DYM: variants seen among roughly 807,000 people sequenced by gnomAD.
The protein encoded by DYM is dyggve-Melchior-Clausen syndrome protein.
Under a neutral mutation model 93.1 loss-of-function variants are expected in DYM, and 78 were observed. That is an observed-to-expected ratio of 0.84 (90% confidence interval 0.70 to 1.01). The LOEUF is 1.01. Ranked by LOEUF, DYM falls within the 50% of genes least tolerant of loss-of-function variation. The pLI, the probability that DYM is intolerant of heterozygous loss-of-function variation, is 0.00. For missense variants in DYM, 789 were observed against 845.0 expected, an observed-to-expected ratio of 0.93 and a Z score of 0.82; for synonymous variants, 321 against 319.7, an observed-to-expected ratio of 1.00 and a Z score of -0.04.
intron 1 of DYM, among the ~76,000 whole-genome samples, chr18:49,441,833 C>T (rs77300456): frequency 0.091 from 13,862 of 152,022 alleles, 847 homozygotes; most frequent in East Asian, 0.31. Flanking sequence ...AGGACTAAAG[C>T]CTGGGGGTCT....
intron 13 of DYM, among the ~76,000 whole-genome samples, chr18:49,255,234 T>C (rs2094366672): frequency 1.3e-5 from 2 of 152,192 alleles, no homozygotes; most frequent in Admixed American, 1.3e-4. Flanking sequence ...TCACCACCAA[T>C]GACTGCTAAA....
intron 15 of DYM, among the ~76,000 whole-genome samples, chr18:49,119,685 T>A (rs1050091713): frequency 2.0e-5 from 3 of 152,162 alleles, no homozygotes; most frequent in Admixed American, 2.0e-4. Context: ...GACAAAGGTT[T>A]CTACAACTCA....
chr18:49,221,391 T>C (rs952540384), intron 13 of DYM, among the ~76,000 whole-genome samples: 7 of 152,080 alleles, frequency 4.6e-5, no homozygotes, highest in East Asian at 1.9e-4. Context: ...TTTGACCCAG[T>C]CATCACATTA....
chr18:49,125,056 G>A (rs1044143847), intron 15 of DYM, among the ~76,000 whole-genome samples: 1 of 152,082 alleles, frequency 6.6e-6, no homozygotes, highest in South Asian at 2.1e-4. Context: ...TCAAGAGATC[G>A]AGACCATCCT....
chr18:49,147,588 A>C (rs1360951110), intron 15 of DYM, among the ~76,000 whole-genome samples: 1 of 152,192 alleles, frequency 6.6e-6, no homozygotes, highest in Non-Finnish European at 1.5e-5. Flanking sequence ...AGACACATGA[A>C]AAAATGCTCA....
intron 8 of DYM, among the ~76,000 whole-genome samples, chr18:49,294,605 A>C (rs180845619): frequency 6.6e-6 from 1 of 152,300 alleles, no homozygotes; most frequent in East Asian, 1.9e-4. Context: ...TAAAAATAAT[A>C]ATCAAGGAAA....
chr18:49,067,609 T>C (rs575344144), intron 17 of DYM, among the ~76,000 whole-genome samples: 15 of 152,174 alleles, frequency 9.9e-5, no homozygotes, highest in African/African-American at 3.1e-4. Context: ...GGAGCGTGCA[T>C]GCCATGTTCA....
At chr18:49,240,710 T>C (rs756105222) in intron 13 of DYM, among the ~76,000 whole-genome samples, 1 of 152,220 alleles carries the variant, frequency 6.6e-6, no homozygotes, top group Non-Finnish European at 1.5e-5. Flanking sequence ...TTCTTTCGTG[T>C]AAAAATGCTA....
chr18:49,279,120 T>C (rs1312452722), intron 10 of DYM, among the ~76,000 whole-genome samples: 1 of 152,216 alleles, frequency 6.6e-6, no homozygotes, highest in Non-Finnish European at 1.5e-5. Context: ...GTTATTCTAA[T>C]AGATACCAAC....
Position 49,114,485 on chromosome 18 carries a change from A to T in DYM, c.1911+4259T>A, listed in dbSNP as rs73441519. On this transcript the variant is annotated intron_variant, in intron 16 of 17. Transcript: ENST00000675505. ...CTTAACATCCTGCTTTTACTTCTATATGGTTCTATACTGTGTACTTACAGT... is the reference window on the plus strand; with the variant it reads ...CTTAACATCCTGCTTTTACTTCTATTTGGTTCTATACTGTGTACTTACAGT... The T allele has an allele frequency of 5.9e-3, 5,233 of 892,498 alleles. 201 individuals carry two copies. The African/African-American group carries it at 0.085, about 15-fold the overall frequency. 55.3% of individuals were successfully genotyped at this position (892,498 alleles called of 1,614,324 possible).
intron 13 of DYM, among the ~76,000 whole-genome samples, chr18:49,216,551 C>A (rs533058410): frequency 6.6e-6 from 1 of 152,268 alleles, no homozygotes; most frequent in East Asian, 1.9e-4. Flanking sequence ...TCCTTTCAGA[C>A]AAAACTTCCA....
chr18:49,217,355 C>T (rs1157949212), intron 13 of DYM, among the ~76,000 whole-genome samples: 2 of 152,092 alleles, frequency 1.3e-5, no homozygotes, highest in Non-Finnish European at 2.9e-5. Flanking sequence ...GGAGAACTTC[C>T]CCAATCTAGC....
chr18:49,343,030 A>T (rs2147037966), intron 6 of DYM, among the ~76,000 whole-genome samples: 1 of 152,376 alleles, frequency 6.6e-6, no homozygotes, highest in African/African-American at 2.4e-5. Context: ...TAGCGAGAAC[A>T]GAATGATTTT....
chr18:49,215,986 C>T (rs1236970095), intron 13 of DYM, among the ~76,000 whole-genome samples: 1 of 152,196 alleles, frequency 6.6e-6, no homozygotes, highest in East Asian at 1.9e-4. Flanking sequence ...TCAGGGAGTT[C>T]CCTTTCCTAG....
intron 3 of DYM, among the ~76,000 whole-genome samples, chr18:49,388,913 C>CAAAA (rs59658815): frequency 7.7e-6 from 1 of 129,050 alleles, no homozygotes; most frequent in Non-Finnish European, 1.7e-5. Context: ...CATTTTCAGA[C>CAAAA]AAAAAAAAAA....
chr18:49,109,246 A>G (rs1170625593), intron 16 of DYM, among the ~76,000 whole-genome samples: 1 of 151,984 alleles, frequency 6.6e-6, no homozygotes, highest in Admixed American at 6.5e-5. Flanking sequence ...ACATGGATGG[A>G]TTTTTGTTGT....
intron 2 of DYM, among the ~76,000 whole-genome samples, chr18:49,401,264 C>T (rs1461125745): frequency 6.6e-6 from 1 of 152,176 alleles, no homozygotes; most frequent in Non-Finnish European, 1.5e-5. Context: ...CTCTCAACAA[C>T]CATACTGATC....
At chr18:49,412,003 T>C (rs2072299221) in intron 2 of DYM, 1 of 152,048 alleles carries the variant, frequency 6.6e-6, no homozygotes, top group African/African-American at 2.4e-5. Context: ...AGAGGACCTA[T>C]TAATAGGAAA....
intron 15 of DYM, among the ~76,000 whole-genome samples, chr18:49,133,950 G>C (rs951432513): frequency 6.6e-6 from 1 of 152,200 alleles, no homozygotes; most frequent in Non-Finnish European, 1.5e-5. Context: ...ATGTCCGATA[G>C]TAGATGATTG....
Sources: allele counts gnomAD v4.1 joint callset (sites outside exome capture counted in the v4.1 genomes callset), GRCh38; gene constraint gnomAD v4.1.1; transcripts MANE v1.5; gene names NCBI Gene and HGNC (gene_info 2026-07-23, HGNC 2026-07-21).